Variants in CRISP3 observed in about 807,000 individuals in gnomAD.
CRISP3 encodes the protein cysteine-rich secretory protein 3.
A neutral mutation model predicts 36.1 loss-of-function variants in CRISP3; 33 were observed. The observed-to-expected ratio is 0.91, with a 90% CI of 0.69 to 1.22. CRISP3 has a LOEUF of 1.22. CRISP3 is among the 50% of genes most tolerant of loss of function. The probability of loss-of-function intolerance (pLI) is 0.00; values close to 1 mark genes in which losing one functional copy is unlikely to be tolerated. For synonymous variants in CRISP3, 117 were observed against 104.6 expected (o/e 1.12, Z -0.72); for missense variants, 330 against 301.2 (o/e 1.10, Z -0.71).
At chr6:49,737,536 C>G in intron 1 of CRISP3, 138 bp from the exon 2 acceptor site, 1 of 844,854 alleles carries the variant, frequency 1.2e-6, no homozygotes, top group South Asian at 1.7e-5. Flanking sequence ...GAAGACTTGT[C>G]ACATGGAGCC....
At chr6:49,736,634 C>A in intron 2 of CRISP3, 127 bp from the exon 3 acceptor site, 1 of 745,068 alleles carries the variant, frequency 1.3e-6, no homozygotes, top group South Asian at 1.5e-5. Context: ...TAAACATTGT[C>A]AATGACTGCC....
chr6:49,741,137 C>CA (rs1222966473), intron 1 of CRISP3, among the ~76,000 whole-genome samples: 37 of 99,240 alleles, frequency 3.7e-4, no homozygotes, highest in Middle Eastern at 5.3e-3. Context: ...AAAAAACAAA[C>CA]AAAAAAAAAC....
At chr6:49,738,348 T>C (rs1276306222) in intron 1 of CRISP3, among the ~76,000 whole-genome samples, 1 of 152,224 alleles carries the variant, frequency 6.6e-6, no homozygotes, top group Non-Finnish European at 1.5e-5. Context: ...CATCCTCTTA[T>C]GGCAGTATAT....
intron 3 of CRISP3, among the ~76,000 whole-genome samples, chr6:49,735,871 T>C (rs1020320234): frequency 1.3e-5 from 2 of 152,302 alleles, no homozygotes; most frequent in Admixed American, 1.3e-4. Context: ...TTTTTTGTAA[T>C]GGTCCTGTTC....
chr6:49,743,302 C>T (rs1353171886), intron 1 of CRISP3, among the ~76,000 whole-genome samples: 1 of 152,056 alleles, frequency 6.6e-6, no homozygotes, highest in East Asian at 1.9e-4. Flanking sequence ...CCAATTCATC[C>T]CTGCCTGTTA....
chr6:49,739,170 C>T (rs1363697411), intron 1 of CRISP3, among the ~76,000 whole-genome samples: 1 of 152,166 alleles, frequency 6.6e-6, no homozygotes, highest in African/African-American at 2.4e-5. Context: ...TCCTAGTGTG[C>T]TGTATTTAGA....
Position 49,728,830 on chromosome 6 carries a change from T to C in CRISP3, c.677A>G (p.Tyr226Cys), listed in dbSNP as rs1271501249. 6 of 1,612,242 alleles carry C rather than the reference T, an allele frequency of 3.7e-6. No individual in the cohort carries two copies. The East Asian group carries it at 1.3e-4, about 36-fold the overall frequency. The change falls in exon 8 of 8, where the codon TAT becomes TGT. Residue 226 changes from tyrosine to cysteine, a missense_variant. Coordinates refer to ENST00000263045, the MANE Select transcript of CRISP3 (RefSeq NM_006061.4). ...CTNGCKYEDL[Y>C]SNCKSLKLTL... is the part of the protein sequence containing the mutation. ...GAGCTTCAAACTTTTACAGTTACTA[T>C]AGAGATCTTCGTACTTGCAACCATT... is the stretch of plus-strand genomic sequence containing the variant.
At chr6:49,741,828 C>CATAT (rs939825900) in intron 1 of CRISP3, among the ~76,000 whole-genome samples, 11 of 145,030 alleles carry the variant, frequency 7.6e-5, no homozygotes, top group African/African-American at 2.8e-4. Context: ...AAAGTATATA[C>CATAT]ATATATATAT....
Position 49,744,312 on chromosome 6 carries a change from T to C in CRISP3, c.37+19A>G. Reference sequence around the variant, plus strand: ...GAAATAAATAATGTTCACCTTGAAATAAAGGAGTTATCACTTACCAGTGGT... The same window carrying C: ...GAAATAAATAATGTTCACCTTGAAACAAAGGAGTTATCACTTACCAGTGGT... On this transcript the variant is annotated intron_variant, in intron 1 of 7. Transcript: ENST00000263045. 1 of 1,497,362 alleles carries C rather than the reference T, an allele frequency of 6.7e-7. No individual in the cohort carries two copies. Among genetic ancestry groups the C allele is most frequent in the Non-Finnish European group, 9.0e-7 (1 of 1,113,700 alleles). 92.8% of individuals were successfully genotyped at this position (1,497,362 alleles called of 1,614,324 possible). A position where few individuals can be genotyped will look rare whatever the true frequency, so the allele number is the denominator to read the frequency against.
At chr6:49,742,506 T>A (rs1415745133) in intron 1 of CRISP3, among the ~76,000 whole-genome samples, 1 of 151,182 alleles carries the variant, frequency 6.6e-6, no homozygotes, top group Non-Finnish European at 1.5e-5. Context: ...GTGGTGCATG[T>A]CTGTAATCCC....
At chr6:49,735,070 G>GA (rs959848887) in intron 4 of CRISP3, among the ~76,000 whole-genome samples, 1 of 151,720 alleles carries the variant, frequency 6.6e-6, no homozygotes, top group Non-Finnish European at 1.5e-5. Flanking sequence ...ATATTTTATA[G>GA]AAAAAAAATT....
At position 49,728,725 on chromosome 6, in the gene CRISP3, C is replaced by T. The variant is rs370404275; in HGVS notation, c.*5G>A. ...ACATAGCCCTACTCGGTGTGTAATG[C>T]GTATTTAATAAATGCTGTTTGAACA... On this transcript the variant is annotated 3_prime_UTR_variant, in exon 8 of 8. Coordinates refer to ENST00000263045, the MANE Select transcript of CRISP3 (RefSeq NM_006061.4). The T allele has an allele frequency of 1.0e-4, 166 of 1,608,712 alleles. 1 individual carries two copies. Among genetic ancestry groups the T allele is most frequent in the East Asian group, 3.1e-4 (14 of 44,734 alleles).
intron 1 of CRISP3, among the ~76,000 whole-genome samples, chr6:49,737,708 G>A (rs1293671173): frequency 6.6e-6 from 1 of 152,166 alleles, no homozygotes; most frequent in African/African-American, 2.4e-5. Context: ...TGTAACTACT[G>A]TCTTTAGGTT....
At chr6:49,730,839 C>T (rs1014463204) in intron 7 of CRISP3, among the ~76,000 whole-genome samples, 1 of 152,108 alleles carries the variant, frequency 6.6e-6, no homozygotes, top group Non-Finnish European at 1.5e-5. Flanking sequence ...GCCAGAAGTT[C>T]GAGACCAGTG....
intron 4 of CRISP3, among the ~76,000 whole-genome samples, chr6:49,735,246 AT>A (rs1173443569): frequency 6.6e-6 from 1 of 152,118 alleles, no homozygotes; most frequent in Non-Finnish European, 1.5e-5. Context: ...GAAAGAGATG[AT>A]CTGTAACCTG....
At chr6:49,737,728 G>C (rs1399890244) in intron 1 of CRISP3, among the ~76,000 whole-genome samples, 1 of 152,102 alleles carries the variant, frequency 6.6e-6, no homozygotes, top group Non-Finnish European at 1.5e-5. Context: ...TGTAGGAGTG[G>C]ATTCTTCACA....
At chr6:49,737,508 A>C in intron 1 of CRISP3, 110 bp from the exon 2 acceptor site, 1 of 1,103,650 alleles carries the variant, frequency 9.1e-7, no homozygotes, top group Non-Finnish European at 1.4e-6. Flanking sequence ...TCCCAAATTC[A>C]TTATTAATGT....
At chr6:49,738,975 T>A (rs1354226609) in intron 1 of CRISP3, among the ~76,000 whole-genome samples, 1 of 151,186 alleles carries the variant, frequency 6.6e-6, no homozygotes, top group Non-Finnish European at 1.5e-5. Flanking sequence ...TTTTGTCCAA[T>A]GCATTAATAA....
chr6:49,730,869 C>A (rs1283039589), intron 7 of CRISP3, among the ~76,000 whole-genome samples: 1 of 152,148 alleles, frequency 6.6e-6, no homozygotes, highest in Non-Finnish European at 1.5e-5. Flanking sequence ...TGGCAAAATC[C>A]TGTCTCTACA....
Sources: gnomAD v4.1 joint callset for allele counts (sites outside exome capture counted in the v4.1 genomes callset) on GRCh38, gnomAD v4.1.1 for gene constraint, MANE v1.5 for transcripts, NCBI Gene and HGNC (gene_info 2026-07-23, HGNC 2026-07-21) for gene names.